Variants in EFCAB6 observed in about 807,000 individuals in gnomAD.
The protein encoded by EFCAB6 is EF-hand calcium-binding domain-containing protein 6.
Under a neutral mutation model 169.8 loss-of-function variants are expected in EFCAB6, and 156 were observed. The observed-to-expected ratio is 0.92, with a 90% CI of 0.81 to 1.05. The LOEUF is 1.05. Among genes scored for constraint, EFCAB6 ranks in the 50% least tolerant of loss-of-function variants. The pLI, the probability that EFCAB6 is intolerant of heterozygous loss-of-function variation, is 0.00. For synonymous variants in EFCAB6, 698 were observed against 676.4 expected (o/e 1.03, Z -0.50); for missense variants, 1,800 against 1,829.1 (o/e 0.98, Z 0.29).
At chr22:43,746,796 ATCTTTCCTT>A (rs376797304) in intron 6 of EFCAB6, among the ~76,000 whole-genome samples, 13 of 152,188 alleles carry the variant, frequency 8.5e-5, no homozygotes, top group South Asian at 2.1e-4. Context: ...TCTATAAGAA[ATCTTTCCTT>A]TCTTTCCTTT....
chr22:43,655,628 CAG>C (rs1464035781), intron 17 of EFCAB6, among the ~76,000 whole-genome samples: 1 of 151,278 alleles, frequency 6.6e-6, no homozygotes, highest in Non-Finnish European at 1.5e-5. Flanking sequence ...ATTACAATGA[CAG>C]ATATAAAGCC....
intron 26 of EFCAB6, among the ~76,000 whole-genome samples, chr22:43,562,133 C>T (rs149290056): frequency 6.0e-4 from 92 of 152,302 alleles, no homozygotes; most frequent in East Asian, 1.4e-3. Context: ...GAACCATTTA[C>T]GTGTTTTCAA....
At chr22:43,732,966 C>A (rs950546754) in intron 7 of EFCAB6, among the ~76,000 whole-genome samples, 1 of 152,112 alleles carries the variant, frequency 6.6e-6, no homozygotes, top group Non-Finnish European at 1.5e-5. Context: ...TAATCTCATA[C>A]TGCTTTCTAA....
At chr22:43,645,338 GA>G (rs2056087160) in intron 17 of EFCAB6, among the ~76,000 whole-genome samples, 1 of 152,190 alleles carries the variant, frequency 6.6e-6, no homozygotes, top group African/African-American at 2.4e-5. Context: ...ACACTAGAAA[GA>G]GGAAAAAAAG....
intron 23 of EFCAB6, among the ~76,000 whole-genome samples, chr22:43,590,748 A>AAG (rs1044782522): frequency 6.6e-6 from 1 of 151,908 alleles, no homozygotes; most frequent in Non-Finnish European, 1.5e-5. Flanking sequence ...AGGCCAAAAA[A>AAG]AAAAAAAAAA....
At position 43,613,683 on chromosome 22, in the gene EFCAB6, C is replaced by T. The variant is rs191505951; in HGVS notation, c.2562+2143G>A. 8.2e-4 allele frequency among the ~76,000 whole-genome samples: 124 copies of T among 151,992 alleles called. 1 individual carries two copies. The highest frequency in any genetic ancestry group is 2.5e-3 in the Admixed American group (38 of 15,256). ...GGTATTAAGCTTAGTACCTGGGTGA[C>T]GAAATAATCTGTATAACAAACCGCC... On this transcript the variant is annotated intron_variant, in intron 21 of 31. Transcript: ENST00000262726.
intron 10 of EFCAB6, among the ~76,000 whole-genome samples, chr22:43,700,461 G>A (rs73887393): frequency 0.022 from 3,412 of 152,124 alleles, 111 homozygotes; most frequent in African/African-American, 0.078. Context: ...AACCCATAGC[G>A]TATATTTAAA....
chr22:43,749,272 G>A (rs903425172), intron 6 of EFCAB6, among the ~76,000 whole-genome samples: 1 of 152,116 alleles, frequency 6.6e-6, no homozygotes, highest in Non-Finnish European at 1.5e-5. Context: ...GGACAGTCAC[G>A]AGTTACGTTT....
intron 2 of EFCAB6, among the ~76,000 whole-genome samples, chr22:43,788,918 C>T (rs879786630): frequency 1.3e-5 from 2 of 152,128 alleles, no homozygotes; most frequent in African/African-American, 4.8e-5. Context: ...GAATGAAGTC[C>T]AGATTCATGC....
At chr22:43,783,434 A>C (rs974338133) in intron 2 of EFCAB6, among the ~76,000 whole-genome samples, 1 of 152,190 alleles carries the variant, frequency 6.6e-6, no homozygotes, top group Non-Finnish European at 1.5e-5. Flanking sequence ...TCTCACCTCC[A>C]ACTGACCTTC....
intron 10 of EFCAB6, among the ~76,000 whole-genome samples, chr22:43,700,383 A>G (rs1230185899): frequency 2.0e-5 from 3 of 152,222 alleles, no homozygotes; most frequent in Non-Finnish European, 4.4e-5. Context: ...TTTGTTAGGC[A>G]TAAGATTTTA....
At chr22:43,594,367 A>G (rs1208374381) in intron 23 of EFCAB6, among the ~76,000 whole-genome samples, 1 of 152,078 alleles carries the variant, frequency 6.6e-6, no homozygotes, top group Non-Finnish European at 1.5e-5. Context: ...ATTAAAAAAC[A>G]AGACCCAACT....
intron 10 of EFCAB6, among the ~76,000 whole-genome samples, chr22:43,706,183 G>C (rs1033047614): frequency 6.6e-6 from 1 of 152,178 alleles, no homozygotes; most frequent in East Asian, 1.9e-4. Flanking sequence ...CTGCCAACTC[G>C]GCTCCAGGAA....
At chr22:43,580,358 C>A (rs2050638886) in intron 25 of EFCAB6, 106 bp downstream of exon 25, 1 of 1,246,502 alleles carries the variant, frequency 8.0e-7, no homozygotes, top group South Asian at 1.4e-5. Context: ...AACTAGACAC[C>A]CCAAGGAGAA....
chr22:43,709,131 G>A (rs2059065378), intron 10 of EFCAB6, among the ~76,000 whole-genome samples: 1 of 152,028 alleles, frequency 6.6e-6, no homozygotes, highest in African/African-American at 2.4e-5. Context: ...GCCCAGGCTG[G>A]GGTGCAGTGG....
At chr22:43,700,930 G>A (rs1007079186) in intron 10 of EFCAB6, among the ~76,000 whole-genome samples, 2 of 152,064 alleles carry the variant, frequency 1.3e-5, no homozygotes, top group African/African-American at 2.4e-5. Context: ...ATAAATATTT[G>A]TGCATGGGTT....
chr22:43,657,506 C>T (rs1349883769), intron 17 of EFCAB6, among the ~76,000 whole-genome samples: 1 of 143,012 alleles, frequency 7.0e-6, no homozygotes, highest in Non-Finnish European at 1.5e-5. Flanking sequence ...AAAAAGAAAA[C>T]AATCACAAGG....
intron 6 of EFCAB6, among the ~76,000 whole-genome samples, chr22:43,743,957 C>A (rs922658195): frequency 6.8e-6 from 1 of 146,140 alleles, no homozygotes; most frequent in Non-Finnish European, 1.5e-5. Context: ...GATGGGTGAA[C>A]GGATGGGTGG....
At chr22:43,546,990 A>T (rs1265834363) in intron 27 of EFCAB6, among the ~76,000 whole-genome samples, 6 of 152,234 alleles carry the variant, frequency 3.9e-5, no homozygotes, top group Admixed American at 3.9e-4. Context: ...TAAGATCATA[A>T]CTAAAGGAAA....
Sources: allele counts gnomAD v4.1 joint callset (sites outside exome capture counted in the v4.1 genomes callset), GRCh38; gene constraint gnomAD v4.1.1; transcripts MANE v1.5; gene names NCBI Gene and HGNC (gene_info 2026-07-23, HGNC 2026-07-21).